SLC35F4: variants seen among roughly 807,000 people sequenced by gnomAD.
The protein encoded by SLC35F4 is chromosome 14 open reading frame 36.
A neutral mutation model predicts 44.2 loss-of-function variants in SLC35F4; 24 were observed. The observed-to-expected ratio is 0.54, with a 90% CI of 0.39 to 0.76. The LOEUF (loss-of-function observed/expected upper bound fraction) is 0.76, where lower values mean the gene tolerates loss of function less well. SLC35F4 is among the 30% of genes least tolerant of loss of function. SLC35F4 has a pLI of 0.00. For synonymous variants in SLC35F4, 238 were observed against 223.6 expected, an observed-to-expected ratio of 1.06 and a Z score of -0.57; for missense variants, 562 against 586.1, an observed-to-expected ratio of 0.96 and a Z score of 0.42.
At chr14:57,567,361 T>C (rs1594874299) in intron 6 of SLC35F4, among the ~76,000 whole-genome samples, 1 of 152,222 alleles carries the variant, frequency 6.6e-6, no homozygotes, top group Non-Finnish European at 1.5e-5. Flanking sequence ...GTGTTAACAA[T>C]TGTAAAATGT....
chr14:57,896,904 T>C (rs763067239), intron 1 of SLC35F4, among the ~76,000 whole-genome samples: 21 of 152,186 alleles, frequency 1.4e-4, no homozygotes, highest in Non-Finnish European at 2.5e-4. Flanking sequence ...TAATAGTAGC[T>C]TTAATTGTTT....
intron 3 of SLC35F4, among the ~76,000 whole-genome samples, chr14:57,586,673 A>T (rs2139862699): frequency 7.2e-6 from 1 of 138,990 alleles, no homozygotes; most frequent in Non-Finnish European, 1.5e-5. Flanking sequence ...AGCCGAGATC[A>T]CACCACTGCA....
chr14:57,809,990 T>C (rs189489045), intron 1 of SLC35F4, among the ~76,000 whole-genome samples: 401 of 152,364 alleles, frequency 2.6e-3, no homozygotes, highest in Non-Finnish European at 4.6e-3. Flanking sequence ...TCCCTTAACC[T>C]TGACTATTAT....
chr14:57,637,177 G>A (rs2073047994), intron 1 of SLC35F4, among the ~76,000 whole-genome samples: 1 of 152,086 alleles, frequency 6.6e-6, no homozygotes, highest in Non-Finnish European at 1.5e-5. Context: ...ACTTTCTTGG[G>A]AGTGAAAAAT....
intron 1 of SLC35F4, among the ~76,000 whole-genome samples, chr14:57,845,323 A>C (rs902776141): frequency 1.3e-5 from 2 of 152,160 alleles, no homozygotes; most frequent in Admixed American, 6.5e-5. Flanking sequence ...CTGAGCCTCA[A>C]TTTTTTCATC....
intron 1 of SLC35F4, chr14:57,630,114 G>A (rs1158832808): frequency 7.3e-6 from 4 of 547,278 alleles, no homozygotes; most frequent in African/African-American, 3.8e-5. Context: ...ACATAATTTG[G>A]ACAGAAAGTG....
chr14:57,633,247 C>T (rs2072871117), intron 1 of SLC35F4, among the ~76,000 whole-genome samples: 1 of 152,054 alleles, frequency 6.6e-6, no homozygotes, highest in South Asian at 2.1e-4. Flanking sequence ...GAATGAACAC[C>T]AAGGAGTGAG....
chr14:57,821,894 G>A (rs1883211873), intron 1 of SLC35F4, among the ~76,000 whole-genome samples: 1 of 152,160 alleles, frequency 6.6e-6, no homozygotes, highest in South Asian at 2.1e-4. Flanking sequence ...GAAGCTGGGA[G>A]CAGGGCCAGG....
At chr14:57,607,567 A>C (rs528577614) in intron 1 of SLC35F4, among the ~76,000 whole-genome samples, 19 of 152,274 alleles carry the variant, frequency 1.2e-4, no homozygotes, top group African/African-American at 4.6e-4. Context: ...CACTTACCTA[A>C]ATCCTGCTGT....
chr14:57,580,345 A>AAT (rs2069157526), intron 4 of SLC35F4: 1 of 165,340 alleles, frequency 6.0e-6, no homozygotes. Flanking sequence ...TTTATAACAA[A>AAT]ATATGTTTCA....
chr14:57,758,523 T>A (rs534261162), intron 1 of SLC35F4, among the ~76,000 whole-genome samples: 1 of 152,264 alleles, frequency 6.6e-6, no homozygotes, highest in African/African-American at 2.4e-5. Flanking sequence ...CAGTCATATA[T>A]ATATATTCCA....
chr14:57,569,963 A>C lies in SLC35F4; in HGVS notation c.951T>G (p.Phe317Leu), dbSNP rs779618490. ...SALYKVLFKM[F>L]LGSANFGEAA... ...CTTCCCCAAAGTTGGCACTTCCAAG[A>C]AACATTTTAAACAAGACCTGGAATG... The change falls in exon 6 of 8, where the codon TTT becomes TTG. Residue 317 changes from phenylalanine to leucine, a missense_variant. Coordinates refer to ENST00000556826, the MANE Select transcript of SLC35F4 (RefSeq NM_001306087.2). 18 of 1,604,790 alleles carry C rather than the reference A, an allele frequency of 1.1e-5. No individual in the cohort carries two copies. In the South Asian group the frequency reaches 1.8e-4, roughly 16 times the overall value.
upstream of SLC35F4, among the ~76,000 whole-genome samples, chr14:57,867,123 C>A (rs1888189237): frequency 6.6e-6 from 1 of 151,700 alleles, no homozygotes; most frequent in Admixed American, 6.6e-5. Flanking sequence ...CTTAAGACAT[C>A]CCTGCCAGGT....
intron 1 of SLC35F4, among the ~76,000 whole-genome samples, chr14:57,669,330 C>T (rs2074428922): frequency 6.6e-6 from 1 of 152,040 alleles, no homozygotes; most frequent in Admixed American, 6.5e-5. Context: ...ATTTCCTTCT[C>T]CTGCCTGATT....
intron 2 of SLC35F4, among the ~76,000 whole-genome samples, chr14:57,589,714 T>C (rs1340405608): frequency 1.3e-5 from 2 of 152,226 alleles, no homozygotes; most frequent in Non-Finnish European, 2.9e-5. Flanking sequence ...CACAATACAG[T>C]AAGCATCTGA....
intron 1 of SLC35F4, among the ~76,000 whole-genome samples, chr14:57,682,137 G>T (rs113020863): frequency 1.3e-5 from 2 of 152,018 alleles, no homozygotes; most frequent in Non-Finnish European, 2.9e-5. Flanking sequence ...CAGCAATCCC[G>T]TTACTGGGTA....
intron 1 of SLC35F4, among the ~76,000 whole-genome samples, chr14:57,655,264 T>C (rs1196963728): frequency 1.3e-5 from 2 of 152,110 alleles, no homozygotes; most frequent in East Asian, 3.9e-4. Flanking sequence ...TAGAAGTTCA[T>C]GACATTCACC....
chr14:57,913,225 CTCTG>C (rs1447504076), intron 1 of SLC35F4, among the ~76,000 whole-genome samples: 3 of 151,836 alleles, frequency 2.0e-5, no homozygotes, highest in Non-Finnish European at 2.9e-5. Flanking sequence ...CTCTGATAAA[CTCTG>C]TCTTTTAGTT....
chr14:57,921,463 G>A (rs1889442616), intron 1 of SLC35F4, among the ~76,000 whole-genome samples: 1 of 152,220 alleles, frequency 6.6e-6, no homozygotes, highest in Non-Finnish European at 1.5e-5. Context: ...TAAAGCTGGA[G>A]TGATAATAGT....
Sources: gnomAD v4.1 joint callset for allele counts (sites outside exome capture counted in the v4.1 genomes callset) on GRCh38, gnomAD v4.1.1 for gene constraint, MANE v1.5 for transcripts, NCBI Gene and HGNC (gene_info 2026-07-23, HGNC 2026-07-21) for gene names.